ZNF169: variants seen among roughly 807,000 people sequenced by gnomAD.
The protein encoded by ZNF169 is zinc finger protein 169.
A neutral mutation model predicts 12.0 loss-of-function variants in ZNF169; 11 were observed. The ratio of observed to expected loss-of-function variants is 0.92; its 90% CI spans 0.58 to 1.52. The LOEUF (loss-of-function observed/expected upper bound fraction) is 1.52. Ranked by LOEUF, ZNF169 falls within the 40% of genes most tolerant of loss-of-function variation. ZNF169 has a pLI of 0.00. For synonymous variants in ZNF169, 302 were observed against 286.5 expected (o/e 1.05, Z -0.55); for missense variants, 722 against 744.0 (o/e 0.97, Z 0.34).
At chr9:94,276,849 ATTTC>A (rs1830529372) in intron 1 of ZNF169, among the ~76,000 whole-genome samples, 1 of 152,196 alleles carries the variant, frequency 6.6e-6, no homozygotes, top group Non-Finnish European at 1.5e-5. Context: ...CGTTTGTATC[ATTTC>A]TTAATGACTG....
intron 1 of ZNF169, among the ~76,000 whole-genome samples, chr9:94,260,136 A>T (rs1587664425): frequency 1.3e-5 from 2 of 151,420 alleles, no homozygotes; most frequent in Non-Finnish European, 2.9e-5. Flanking sequence ...CTTGTCGCCC[A>T]GGCTGGAGTG....
At position 94,300,304 on chromosome 9, in the gene ZNF169, T is replaced by G; in HGVS notation, c.746T>G (p.Leu249Arg). ...AGAGGCTTTTGCCAGAGATCAGACCTTATCAAGCACCAGAGGACACACACC... is the reference window on the plus strand; with the variant it reads ...AGAGGCTTTTGCCAGAGATCAGACCGTATCAAGCACCAGAGGACACACACC... Reference protein sequence around the residue: ...CGRGFCQRSDLIKHQRTHTGE... With the variant: ...CGRGFCQRSDRIKHQRTHTGE... The change falls in exon 5 of 5, where the codon CTT (leucine) becomes CGT (arginine). Residue 249 changes from leucine to arginine, a missense_variant. Physicochemically the swap from Leu to Arg is moderately radical, Grantham distance 102. Coordinates refer to ENST00000395395, the MANE Select transcript of ZNF169 (RefSeq NM_194320.4). 10 of 1,614,170 alleles carry G rather than the reference T, an allele frequency of 6.2e-6. No individual in the cohort carries two copies. Among genetic ancestry groups the G allele is most frequent in the Non-Finnish European group, 8.5e-6 (10 of 1,180,032 alleles).
chr9:94,282,561 A>G (rs1019752979), intron 2 of ZNF169, among the ~76,000 whole-genome samples: 2 of 152,324 alleles, frequency 1.3e-5, no homozygotes, highest in Middle Eastern at 3.4e-3. Flanking sequence ...ATATGCATCT[A>G]TGTCAGTGAG....
At chr9:94,279,634 T>G (rs3131903) in intron 2 of ZNF169, among the ~76,000 whole-genome samples, 1 of 151,186 alleles carries the variant, frequency 6.6e-6, no homozygotes, top group Non-Finnish European at 1.5e-5. Context: ...AGCAAGACTC[T>G]GTCTCAAAAA....
intron 1 of ZNF169, among the ~76,000 whole-genome samples, chr9:94,264,424 C>T (rs1469231550): frequency 5.3e-5 from 8 of 152,138 alleles, no homozygotes; most frequent in African/African-American, 1.2e-4. Flanking sequence ...TGAGCCACCG[C>T]GCCTGGCTTC....
At chr9:94,288,164 C>T in intron 2 of ZNF169, 1 of 812,330 alleles carries the variant, frequency 1.2e-6, no homozygotes, top group Non-Finnish European at 2.2e-6. Flanking sequence ...TGTCAAAATC[C>T]ATGTCTCAGC....
intron 2 of ZNF169, chr9:94,287,688 A>G: frequency 1.9e-6 from 2 of 1,066,470 alleles, no homozygotes; most frequent in Non-Finnish European, 2.9e-6. Context: ...ATTAAACAAT[A>G]CGGTGTTCAT....
chr9:94,295,428 T>C (rs1456508796), intron 4 of ZNF169: 1 of 152,256 alleles, frequency 6.6e-6, no homozygotes, highest in African/African-American at 2.4e-5. Context: ...ACTACACTTA[T>C]ATAGGTGTGA....
chr9:94,299,447 G>A (rs970244775), intron 4 of ZNF169: 1 of 856,636 alleles, frequency 1.2e-6, no homozygotes, highest in Admixed American at 3.8e-5. Context: ...CTTAACTGCA[G>A]CTCAGACACC....
chr9:94,270,381 T>C (rs1427927903), intron 1 of ZNF169, among the ~76,000 whole-genome samples: 4 of 151,778 alleles, frequency 2.6e-5, no homozygotes, highest in Non-Finnish European at 5.9e-5. Flanking sequence ...TTTGTATTCT[T>C]TATATTTCCT....
rs1456487666 is a variant in ZNF169 at position 94,288,545 on chromosome 9, A to G, written c.34-3796A>G. ...ACAGGATCTCATATGTGAGTAGCACAGCCATCTTCTCAGAGGTGGCGGCAA... is the reference window on the plus strand; with the variant it reads ...ACAGGATCTCATATGTGAGTAGCACGGCCATCTTCTCAGAGGTGGCGGCAA... On this transcript the variant is annotated intron_variant, in intron 2 of 4. Transcript: ENST00000395395. 5.7e-6 allele frequency: 3 copies of G among 522,582 alleles called. No individual in the cohort carries two copies. The African/African-American group carries it at 5.8e-5, about 10-fold the overall frequency. 32.4% of individuals were successfully genotyped at this position (522,582 alleles called of 1,614,324 possible).
chr9:94,260,662 G>C (rs1472867341), intron 1 of ZNF169, among the ~76,000 whole-genome samples: 1 of 152,000 alleles, frequency 6.6e-6, no homozygotes, highest in Admixed American at 6.6e-5. Flanking sequence ...CCTCGGACTT[G>C]GGGACCCTTC....
chr9:94,267,833 A>G (rs935963429), intron 1 of ZNF169, among the ~76,000 whole-genome samples: 1 of 147,822 alleles, frequency 6.8e-6, no homozygotes, highest in African/African-American at 2.5e-5. Context: ...CACCTGTTAG[A>G]GCTTTACAGC....
At chr9:94,280,958 G>A (rs1280022363) in intron 2 of ZNF169, among the ~76,000 whole-genome samples, 2 of 152,130 alleles carry the variant, frequency 1.3e-5, no homozygotes, top group East Asian at 1.9e-4. Context: ...AGGCAAGGGG[G>A]CGAAGAGAAC....
At chr9:94,281,190 GGTTT>G (rs1249437903) in intron 2 of ZNF169, among the ~76,000 whole-genome samples, 1 of 152,112 alleles carries the variant, frequency 6.6e-6, no homozygotes, top group African/African-American at 2.4e-5. Flanking sequence ...AAGGGAAAGA[GGTTT>G]GTTTGTTATG....
chr9:94,273,236 G>T (rs1290136994), intron 1 of ZNF169, among the ~76,000 whole-genome samples: 2 of 151,816 alleles, frequency 1.3e-5, no homozygotes, highest in Non-Finnish European at 2.9e-5. Context: ...AGTCCCGTTT[G>T]TCTATTTTAT....
Position 94,300,854 on chromosome 9 carries a change from C to A in ZNF169, c.1296C>A (p.Cys432Ter). The stretch of plus-strand genomic sequence containing the variant: ...ACACAGGGGAGAAGCCTTACCTGTG[C>A]CCCCAGTGTGGGCGGGGTTTTAGCC... ...RTHTGEKPYL[C>*]PQCGRGFSQK... Residue 432 changes from cysteine (C) to a stop codon, truncating the protein, a stop_gained, in exon 5 of 5, where the codon TGC becomes TGA. Transcript: ENST00000395395. LOFTEE classifies it low-confidence loss of function (END_TRUNC). 1 of 1,613,312 alleles carries A rather than the reference C, an allele frequency of 6.2e-7. No individual in the cohort carries two copies. Among genetic ancestry groups the A allele is most frequent in the East Asian group, 2.2e-5 (1 of 44,788 alleles).
chr9:94,296,897 A>AG (rs1470403418), intron 4 of ZNF169: 5 of 446,878 alleles, frequency 1.1e-5, no homozygotes, highest in African/African-American at 4.1e-5. Context: ...TACAAAAAAA[A>AG]CTAGCCGAGT....
chr9:94,292,244 AGGACTGCTTC>A, intron 2 of ZNF169, 87 bp from the exon 3 acceptor site: 1 of 1,605,800 alleles, frequency 6.2e-7, no homozygotes, highest in East Asian at 2.2e-5. Flanking sequence ...TGGGTGCTCT[AGGACTGCTTC>A]TTTCTGCCTT....
Sources: allele counts gnomAD v4.1 joint callset (sites outside exome capture counted in the v4.1 genomes callset), GRCh38; gene constraint gnomAD v4.1.1; transcripts MANE v1.5; gene names NCBI Gene and HGNC (gene_info 2026-07-23, HGNC 2026-07-21).